Variants in NLRP14 observed in about 807,000 individuals in gnomAD.
NLRP14 encodes the protein NACHT, LRR and PYD domains-containing protein 14.
A neutral mutation model predicts 94.7 loss-of-function variants in NLRP14; 105 were observed. The observed-to-expected ratio is 1.11, with a 90% confidence interval of 0.95 to 1.30. NLRP14 has a LOEUF of 1.30. Ranked by LOEUF, NLRP14 falls within the 50% of genes most tolerant of loss-of-function variation. The probability of loss-of-function intolerance (pLI) is 0.00; values close to 1 mark genes in which losing one functional copy is unlikely to be tolerated. For synonymous variants in NLRP14, 508 were observed against 459.9 expected, an observed-to-expected ratio of 1.10 and a Z score of -1.34; for missense variants, 1,362 against 1,254.1, an observed-to-expected ratio of 1.09 and a Z score of -1.30.
chr11:7,044,872 C>T (rs866746397), intron 4 of NLRP14, among the ~76,000 whole-genome samples: 1 of 152,142 alleles, frequency 6.6e-6, no homozygotes, highest in Non-Finnish European at 1.5e-5. Context: ...GATTCAAGCA[C>T]ACATCAAATA....
At chr11:7,022,229 T>C (rs1387732531) in intron 1 of NLRP14, among the ~76,000 whole-genome samples, 1 of 152,156 alleles carries the variant, frequency 6.6e-6, no homozygotes, top group Non-Finnish European at 1.5e-5. Flanking sequence ...TCATGGACCC[T>C]CCCTGGCTTG....
intron 6 of NLRP14, 139 bp from the exon 7 acceptor site, chr11:7,057,536 CTT>C (rs748656019): frequency 1.6e-4 from 119 of 764,150 alleles, no homozygotes; most frequent in Non-Finnish European, 2.5e-4. Context: ...AGTTAAATAA[CTT>C]TTTTTCTGTG....
At position 7,059,991 on chromosome 11, in the gene NLRP14, T is replaced by G; in HGVS notation, c.2731T>G (p.Trp911Gly). The change falls in exon 9 of 12, where the codon TGG (tryptophan) becomes GGG (glycine). Residue 911 changes from tryptophan to glycine, a missense_variant. Coordinates refer to ENST00000299481, the MANE Select transcript of NLRP14 (RefSeq NM_176822.4). ...GACGCATCTGGATCTAGGATCAAACTGGCTACAAGACAATGGAGTGAAGCT... is the reference window on the plus strand; with the variant it reads ...GACGCATCTGGATCTAGGATCAAACGGGCTACAAGACAATGGAGTGAAGCT... ...SLTHLDLGSN[W>G]LQDNGVKLLC... 6.2e-7 allele frequency: 1 copy of G among 1,612,890 alleles called. No homozygotes were observed. Among genetic ancestry groups the G allele is most frequent in the South Asian group, 1.1e-5 (1 of 91,062 alleles).
the NLRP14 span, chr11:7,090,004 G>A: frequency 6.2e-7 from 1 of 1,613,142 alleles, no homozygotes; most frequent in East Asian, 2.2e-5. Context: ...GCCGCCCCAG[G>A]ACGGGGGACA....
At chr11:7,032,622 G>C (rs1852114012) in intron 1 of NLRP14, among the ~76,000 whole-genome samples, 1 of 151,996 alleles carries the variant, frequency 6.6e-6, no homozygotes, top group Non-Finnish European at 1.5e-5. Context: ...TTTGTTCTTT[G>C]AGAAGGGCTG....
downstream of NLRP14, among the ~76,000 whole-genome samples, chr11:7,072,987 G>A (rs1190963649): frequency 6.6e-6 from 1 of 152,080 alleles, no homozygotes; most frequent in Non-Finnish European, 1.5e-5. Context: ...TATGGCTCAA[G>A]AATTGCTTGG....
chr11:7,089,744 C>G, the NLRP14 span: 3 of 1,552,132 alleles, frequency 1.9e-6, no homozygotes, highest in African/African-American at 4.1e-5. Context: ...CCTACCTGGG[C>G]CCGCGGGATG....
chr11:7,033,476 AT>A (rs1852123420), intron 1 of NLRP14, among the ~76,000 whole-genome samples: 1 of 152,184 alleles, frequency 6.6e-6, no homozygotes, highest in Non-Finnish European at 1.5e-5. Flanking sequence ...TAGTTTTTCC[AT>A]AGTGTTCTTT....
At chr11:7,055,814 A>G (rs1852508104) in intron 6 of NLRP14, among the ~76,000 whole-genome samples, 1 of 152,136 alleles carries the variant, frequency 6.6e-6, no homozygotes. Flanking sequence ...GCAAGCAGTA[A>G]GGACAACAAA....
chr11:7,049,537 C>A (rs754475167), intron 5 of NLRP14, 134 bp from the exon 6 acceptor site: 15 of 716,576 alleles, frequency 2.1e-5, no homozygotes, highest in Non-Finnish European at 3.3e-5. Flanking sequence ...GAAGTTATAA[C>A]CCAATTGTTT....
chr11:7,088,957 C>T, the NLRP14 span: 12,262 of 772,028 alleles, frequency 0.016, 495 homozygotes, highest in African/African-American at 0.12. Flanking sequence ...TCACAGGCAG[C>T]AGGGGCGCGC....
chr11:7,063,227 C>T (rs758548410), intron 10 of NLRP14, among the ~76,000 whole-genome samples: 24 of 152,010 alleles, frequency 1.6e-4, no homozygotes, highest in South Asian at 2.1e-4. Flanking sequence ...ATAAATTCAC[C>T]GGTTACTGTT....
intron 10 of NLRP14, among the ~76,000 whole-genome samples, chr11:7,065,374 G>A (rs1481788229): frequency 6.6e-6 from 1 of 152,020 alleles, no homozygotes; most frequent in African/African-American, 2.4e-5. Context: ...TAGAAACATA[G>A]GAGTTTTTAA....
At chr11:7,089,121 A>G in the NLRP14 span, 4 of 1,613,454 alleles carry the variant, frequency 2.5e-6, no homozygotes, top group East Asian at 2.2e-5. Context: ...ACCGGCAAAC[A>G]TGGTTGAAGC....
Position 7,043,984 on chromosome 11 carries a change from G to T in NLRP14, c.1958G>T (p.Trp653Leu), listed in dbSNP as rs759384065. 1 of 1,613,258 alleles carries T rather than the reference G, an allele frequency of 6.2e-7. No individual in the cohort carries two copies. Among genetic ancestry groups the T allele is most frequent in the Non-Finnish European group, 8.5e-7 (1 of 1,179,238 alleles). The change falls in exon 4 of 12, where the codon TGG becomes TTG. Residue 653 changes from tryptophan (W) to leucine (L), a missense_variant and splice_region_variant. By Grantham distance (61) the Trp-to-Leu change is moderately conservative. Transcript: ENST00000299481. ...ILKTSLPTNT[W>L]DGDRITHCWQ... ...AAAACAAGCCTCCCAACTAACACTTGGTAAGTGTGTTAGGGCCATTCCCTG... is the reference window on the plus strand; with the variant it reads ...AAAACAAGCCTCCCAACTAACACTTTGTAAGTGTGTTAGGGCCATTCCCTG...
chr11:7,043,378 G>C lies in NLRP14; in HGVS notation c.1352G>C (p.Gly451Ala), dbSNP rs1852296858. 2 of 1,614,010 alleles carry C rather than the reference G, an allele frequency of 1.2e-6. No homozygotes were observed. The highest frequency in any genetic ancestry group is 1.3e-5 in the African/African-American group (1 of 74,882). ...TACAGAGAAAATCTCAGAAGGCTTG[G>C]GTTAACTCAATCTGATGTCTCTAGT... ...VFYRENLRRL[G>A]LTQSDVSSFM... is the part of the protein sequence containing the mutation. The change falls in exon 4 of 12, where the codon GGG becomes GCG. Residue 451 changes from glycine to alanine, a missense_variant. Transcript: ENST00000299481.
chr11:7,034,589 T>G (rs1852137104), intron 1 of NLRP14, among the ~76,000 whole-genome samples: 1 of 152,220 alleles, frequency 6.6e-6, no homozygotes, highest in African/African-American at 2.4e-5. Flanking sequence ...GTAAACATTT[T>G]TCTGTTTTTG....
chr11:7,043,586 T>A lies in NLRP14; in HGVS notation c.1560T>A (p.Tyr520Ter), dbSNP rs375638152. ...DLKSLLQSTS[Y>*]KDPHLTQMKC... ...AGTCATTACTTCAAAGCACAAGTTA[T>A]AAAGACCCCCATTTGACACAGATGA... Residue 520 changes from tyrosine (Y) to a stop codon, truncating the protein, a stop_gained, in exon 4 of 12, where the codon TAT (tyrosine) becomes TAA (stop). Transcript: ENST00000299481. LOFTEE classifies it high-confidence loss of function. 5 of 1,614,094 alleles carry A rather than the reference T, an allele frequency of 3.1e-6. No homozygotes were observed. The highest frequency in any genetic ancestry group is 2.5e-6 in the Non-Finnish European group (3 of 1,180,046).
chr11:7,070,465 C>G lies in NLRP14; in HGVS notation c.3146+9C>G. ...AAACTACAAGTTCTAGGGTAAGTCT[C>G]CATTGGCTTCTCAGGGGGAGCATTT... On this transcript the variant is annotated intron_variant, in intron 11 of 11. Coordinates refer to ENST00000299481, the MANE Select transcript of NLRP14 (RefSeq NM_176822.4). 1 of 1,603,532 alleles carries G rather than the reference C, an allele frequency of 6.2e-7. No individual in the cohort carries two copies. Among genetic ancestry groups the G allele is most frequent in the Non-Finnish European group, 8.5e-7 (1 of 1,171,230 alleles).
Sources: gnomAD v4.1 joint callset for allele counts (sites outside exome capture counted in the v4.1 genomes callset) on GRCh38, gnomAD v4.1.1 for gene constraint, MANE v1.5 for transcripts, NCBI Gene and HGNC (gene_info 2026-07-23, HGNC 2026-07-21) for gene names.